SETX: variants seen among roughly 807,000 people sequenced by gnomAD.
SETX encodes helicase senataxin.
A neutral mutation model predicts 227.2 loss-of-function variants in SETX; 90 were observed. The ratio of observed to expected loss-of-function variants is 0.40; its 90% CI spans 0.33 to 0.47. SETX has a LOEUF of 0.47. SETX is among the 20% of genes least tolerant of loss of function. The pLI is 0.91. For synonymous variants in SETX, 1,210 were observed against 1,113.2 expected (o/e 1.09, Z -1.73); for missense variants, 3,052 against 3,181.5 (o/e 0.96, Z 0.98).
chr9:132,264,670 G>C lies in SETX; in HGVS notation c.7603C>G (p.Gln2535Glu). 2 of 1,614,202 alleles carry C rather than the reference G, an allele frequency of 1.2e-6. No individual in the cohort carries two copies. Among genetic ancestry groups the C allele is most frequent in the Non-Finnish European group, 1.7e-6 (2 of 1,180,036 alleles). ...KDPERPPVHDQLQDPRLLKRM... is the reference protein window; with the variant it reads ...KDPERPPVHDELQDPRLLKRM... ...TTCAGCAGTCGTGGGTCCTGAAGTT[G>C]GTCATGAACAGGAGGTCTTTCAGGG... Residue 2535 changes from glutamine to glutamate, a missense_variant, in exon 26 of 26, where the codon CAA becomes GAA. Physicochemically the swap from Gln to Glu is conservative, Grantham distance 29. Transcript: ENST00000224140.
chr9:132,272,854 T>C (rs1172301573), intron 23 of SETX, among the ~76,000 whole-genome samples: 2 of 133,756 alleles, frequency 1.5e-5, no homozygotes, highest in South Asian at 2.4e-4. Context: ...TTGTACCACA[T>C]AGTACAAGTT....
Position 132,326,912 on chromosome 9 carries a change from A to T in SETX, c.4686T>A (p.Gly1562=). Reference sequence around the variant, plus strand: ...CTTCAGAGTGTTTTGGGCAGTATTCACCCTGGTTTTTTGTGGTTTCAAGAC... The same window carrying T: ...CTTCAGAGTGTTTTGGGCAGTATTCTCCCTGGTTTTTTGTGGTTTCAAGAC... ...KDCLETTKNQ[G]EYCPKHSEVK... is the part of the protein sequence containing the mutation. The change falls in exon 10 of 26, where the codon GGT becomes GGA. Residue 1562 remains glycine, a synonymous_variant. Coordinates refer to ENST00000224140, the MANE Select transcript of SETX (RefSeq NM_015046.7). 1 of 1,614,082 alleles carries T rather than the reference A, an allele frequency of 6.2e-7. No individual in the cohort carries two copies. The highest frequency in any genetic ancestry group is 1.1e-5 in the South Asian group (1 of 91,080).
At position 132,326,746 on chromosome 9, in the gene SETX, A is replaced by AAG; in HGVS notation, c.4850_4851dup (p.Ser1618LeufsTer8). On this transcript the variant is annotated frameshift_variant, in exon 10 of 26. Coordinates refer to ENST00000224140, the MANE Select transcript of SETX (RefSeq NM_015046.7). LOFTEE classifies it high-confidence loss of function. ...TTTTTTAGAGACGGTGAAAGTGCTGAAGAAGTTTCCAAAGATTTAGAAAGA... is the reference window on the plus strand; with the variant it reads ...TTTTTTAGAGACGGTGAAAGTGCTGAAGAGAAGTTTCCAAAGATTTAGAAAGA... 3.1e-6 allele frequency: 5 copies of AAG among 1,614,226 alleles called. No individual in the cohort carries two copies. The highest frequency in any genetic ancestry group is 4.2e-6 in the Non-Finnish European group (5 of 1,180,038).
chr9:132,268,878 G>A (rs2131134419), intron 25 of SETX, among the ~76,000 whole-genome samples: 1 of 152,306 alleles, frequency 6.6e-6, no homozygotes, highest in South Asian at 2.1e-4. Context: ...GGCTGGAGGT[G>A]ATAGAGGAGT....
intron 6 of SETX, among the ~76,000 whole-genome samples, chr9:132,335,118 T>A (rs75242062): frequency 1.3e-5 from 2 of 151,674 alleles, no homozygotes; most frequent in Non-Finnish European, 2.9e-5. Context: ...AGGCCGGGCG[T>A]GGTGGCTCAC....
chr9:132,269,364 T>C (rs1489564572), intron 25 of SETX: 3 of 1,417,148 alleles, frequency 2.1e-6, no homozygotes, highest in Non-Finnish European at 2.8e-6. Context: ...TTCTTAACAA[T>C]AATCCTATGA....
intron 5 of SETX, among the ~76,000 whole-genome samples, chr9:132,337,287 A>G (rs1315901430): frequency 6.6e-6 from 1 of 152,066 alleles, no homozygotes; most frequent in Non-Finnish European, 1.5e-5. Context: ...ATCATTTTCC[A>G]TAACAGAATG....
intron 10 of SETX, among the ~76,000 whole-genome samples, chr9:132,315,735 GTTATTCTTCC>G (rs1418033894): frequency 6.6e-6 from 1 of 152,136 alleles, no homozygotes; most frequent in Non-Finnish European, 1.5e-5. Context: ...CCTCCTTGCT[GTTATTCTTCC>G]TTACCCATCT....
intron 15 of SETX, among the ~76,000 whole-genome samples, chr9:132,292,112 C>G (rs188400725): frequency 5.3e-4 from 81 of 152,112 alleles, no homozygotes; most frequent in African/African-American, 1.6e-3. Context: ...TACCCCTAAG[C>G]CTGTGTCACA....
At chr9:132,348,987 A>G (rs578082163) in intron 3 of SETX, among the ~76,000 whole-genome samples, 1 of 152,254 alleles carries the variant, frequency 6.6e-6, no homozygotes, top group East Asian at 1.9e-4. Flanking sequence ...ATCATGAGAC[A>G]GCACTTCCAC....
At chr9:132,296,447 G>A (rs1444081486) in intron 14 of SETX, among the ~76,000 whole-genome samples, 1 of 152,064 alleles carries the variant, frequency 6.6e-6, no homozygotes, top group Non-Finnish European at 1.5e-5. Flanking sequence ...CAGCCACTAG[G>A]GAGGTACTCG....
At chr9:132,298,738 G>A (rs966548782) in intron 12 of SETX, among the ~76,000 whole-genome samples, 19 of 152,122 alleles carry the variant, frequency 1.2e-4, no homozygotes, top group Admixed American at 1.2e-3. Flanking sequence ...AGATGTGCCA[G>A]GAATATTTTA....
At position 132,330,048 on chromosome 9, in the gene SETX, A is replaced by C. The variant is rs1272110098; in HGVS notation, c.1550T>G (p.Met517Arg). The change falls in exon 10 of 26, where the codon ATG becomes AGG. Residue 517 changes from methionine (M) to arginine (R), a missense_variant. Met to Arg is a moderately conservative substitution (Grantham distance 91). Transcript: ENST00000224140. ...SSGNCSKGTA[M>R]ISSLSLHSMP... Reference sequence around the variant, plus strand: ...GGAATGCAATGACAGTGAAGATATCATTGCTGTTCCTTTGGAGCAATTTCC... The same window carrying C: ...GGAATGCAATGACAGTGAAGATATCCTTGCTGTTCCTTTGGAGCAATTTCC... 2 of 1,614,210 alleles carry C rather than the reference A, an allele frequency of 1.2e-6. No individual in the cohort carries two copies. Among genetic ancestry groups the C allele is most frequent in the East Asian group, 4.5e-5 (2 of 44,888 alleles).
chr9:132,322,660 A>G (rs772693947), intron 10 of SETX, among the ~76,000 whole-genome samples: 1 of 152,208 alleles, frequency 6.6e-6, no homozygotes, highest in Non-Finnish European at 1.5e-5. Flanking sequence ...GCTACCATGA[A>G]TAATGTTCCA....
At chr9:132,354,801 T>G (rs945867206) in intron 1 of SETX, 116 bp downstream of exon 1, 1 of 151,910 alleles carries the variant, frequency 6.6e-6, no homozygotes, top group Non-Finnish European at 1.5e-5. Flanking sequence ...TCTTCCCCCA[T>G]CCGCCCACCG....
chr9:132,292,625 A>ATTTTTTTT (rs529367112), intron 15 of SETX, among the ~76,000 whole-genome samples: 1 of 125,234 alleles, frequency 8.0e-6, no homozygotes, highest in African/African-American at 3.1e-5. Flanking sequence ...TTCCCAACTC[A>ATTTTTTTT]TTTTTTTTTT....
At chr9:132,279,608 T>G (rs556833594) in intron 20 of SETX, among the ~76,000 whole-genome samples, 34 of 152,314 alleles carry the variant, frequency 2.2e-4, no homozygotes, top group African/African-American at 7.7e-4. Context: ...AACCTATTTA[T>G]ATGTGTGATT....
chr9:132,336,104 G>A (rs745827989), intron 6 of SETX, among the ~76,000 whole-genome samples, 192 bp downstream of exon 6: 1 of 152,162 alleles, frequency 6.6e-6, no homozygotes, highest in Non-Finnish European at 1.5e-5. Flanking sequence ...TTAGCCAGGT[G>A]TGGTGGCGTT....
At chr9:132,338,926 T>A (rs1564559725) in intron 5 of SETX, among the ~76,000 whole-genome samples, 1 of 151,998 alleles carries the variant, frequency 6.6e-6, no homozygotes. Context: ...CCAAGCTAAT[T>A]AAAAAAAAAA....
Sources: gnomAD v4.1 joint callset for allele counts (sites outside exome capture counted in the v4.1 genomes callset) on GRCh38, gnomAD v4.1.1 for gene constraint, MANE v1.5 for transcripts, NCBI Gene and HGNC (gene_info 2026-07-23, HGNC 2026-07-21) for gene names.